The following NUP155 variants were observed in gnomAD, a reference collection of about 807,000 sequenced individuals.
NUP155 encodes nucleoporin 155.
A neutral mutation model predicts 180.4 loss-of-function variants in NUP155; 71 were observed. That is an observed-to-expected ratio of 0.39 (90% CI 0.33 to 0.48). NUP155 has a LOEUF of 0.48. Among genes scored for constraint, NUP155 ranks in the 20% least tolerant of loss-of-function variants. NUP155 has a pLI of 0.91. For synonymous variants in NUP155, 582 were observed against 559.5 expected, an observed-to-expected ratio of 1.04 and a Z score of -0.57; for missense variants, 1,553 against 1,648.9, an observed-to-expected ratio of 0.94 and a Z score of 1.01.
At chr5:37,314,422 G>A (rs1743740189) in intron 21 of NUP155, 94 bp from the exon 22 acceptor site, 1 of 946,512 alleles carries the variant, frequency 1.1e-6, no homozygotes, top group Admixed American at 2.3e-5. Context: ...AATCCCTGTT[G>A]TTTTCTTCCT....
chr5:37,365,859 C>A (rs1482611593), intron 1 of NUP155, among the ~76,000 whole-genome samples: 1 of 149,374 alleles, frequency 6.7e-6, no homozygotes, highest in Non-Finnish European at 1.5e-5. Context: ...TAGTGTTTTT[C>A]TATCATTTTG....
Position 37,328,431 on chromosome 5 carries a change from AAAG to A in NUP155, c.1814-14_1814-12del, listed in dbSNP as rs1461977727. On this transcript the variant is annotated splice_polypyrimidine_tract_variant and intron_variant, in intron 16 of 34. Coordinates refer to ENST00000231498, the MANE Select transcript of NUP155 (RefSeq NM_153485.3). ...TAGGAACAGGAGAACCTAAAAAGGG[AAAG>A]AAGAATATAAAGATTTAGAAAAGAA... is the stretch of plus-strand genomic sequence containing the variant. 9 of 1,559,442 alleles carry A rather than the reference AAAG, an allele frequency of 5.8e-6. No homozygotes were observed. The African/African-American group carries it at 9.5e-5, about 16-fold the overall frequency.
At position 37,355,559 on chromosome 5, in the gene NUP155, ATATT is replaced by A. The variant is rs538945684; in HGVS notation, c.463+2518_463+2521del. Among the ~76,000 whole-genome samples, 391 of 138,344 alleles carry A rather than the reference ATATT, an allele frequency of 2.8e-3. 2 individuals carry two copies. The highest frequency in any genetic ancestry group is 0.011 in the Middle Eastern group (3 of 270). The allele number at this position is 138,344 out of a possible 152,430, so 90.8% of individuals were successfully genotyped here. ...TGTGTGTGTGTGTGTATATATATAT[ATATT>A]TATTTATTTGTTTGTTTGTTTGTTT... On this transcript the variant is annotated intron_variant, in intron 4 of 34. Transcript: ENST00000231498.
Position 37,352,766 on chromosome 5 carries a change from A to G in NUP155, c.527T>C (p.Leu176Pro). Residue 176 changes from leucine to proline, a missense_variant, in exon 5 of 35, where the codon CTT becomes CCT. By Grantham distance (98) the Leu-to-Pro change is moderately conservative. Coordinates refer to ENST00000231498, the MANE Select transcript of NUP155 (RefSeq NM_153485.3). ...TTGCAAATTAGCATAGCTGAGTCCA[A>G]GAATTACTATGTCTACAGGGGTCGC... is the stretch of plus-strand genomic sequence containing the variant. ...VLATPVDIVI[L>P]GLSYANLQTG... 1.2e-6 allele frequency: 2 copies of G among 1,613,586 alleles called. No individual in the cohort carries two copies. Among genetic ancestry groups the G allele is most frequent in the Non-Finnish European group, 1.7e-6 (2 of 1,179,576 alleles).
At chr5:37,320,626 GA>G (rs1306481566) in intron 20 of NUP155, among the ~76,000 whole-genome samples, 1 of 151,878 alleles carries the variant, frequency 6.6e-6, no homozygotes, top group Non-Finnish European at 1.5e-5. Context: ...AAACATCAAT[GA>G]AAAAAACATC....
chr5:37,356,490 A>C lies in NUP155; in HGVS notation c.463+1591T>G, dbSNP rs182148677. Among the ~76,000 whole-genome samples, 175 of 151,044 alleles carry C rather than the reference A, an allele frequency of 1.2e-3. 1 individual carries two copies. The highest frequency in any genetic ancestry group is 4.1e-3 in the African/African-American group (170 of 41,174). The stretch of plus-strand genomic sequence containing the variant: ...AAACCCTGTCTCTACTAAAAATATA[A>C]AAATTAGGCGTGGTGACATGCGTTT... On this transcript the variant is annotated intron_variant, in intron 4 of 34. Transcript: ENST00000231498.
At chr5:37,310,428 T>G (rs999627856) in intron 23 of NUP155, 124 bp downstream of exon 23, 2 of 682,904 alleles carry the variant, frequency 2.9e-6, no homozygotes, top group African/African-American at 1.8e-5. Context: ...TAGATGAGGA[T>G]TCTGAGGCTA....
At chr5:37,325,784 A>T (rs888580499) in intron 19 of NUP155, 117 bp downstream of exon 19, 14 of 687,098 alleles carry the variant, frequency 2.0e-5, no homozygotes, top group East Asian at 1.1e-4. Flanking sequence ...AAAAAAAAAA[A>T]AAAAAAATAA....
chr5:37,295,406 C>T (rs1366471487), intron 32 of NUP155, among the ~76,000 whole-genome samples: 2 of 152,106 alleles, frequency 1.3e-5, no homozygotes, highest in African/African-American at 2.4e-5. Context: ...ACAACATCCA[C>T]CTCCCAGCAG....
At chr5:37,335,784 T>C (rs922437643) in intron 12 of NUP155, among the ~76,000 whole-genome samples, 3 of 152,112 alleles carry the variant, frequency 2.0e-5, no homozygotes, top group African/African-American at 7.2e-5. Flanking sequence ...ACCCTGTCTC[T>C]ACTAAAAATA....
chr5:37,331,812 A>C lies in NUP155; in HGVS notation c.1519-17T>G. The stretch of plus-strand genomic sequence containing the variant: ...AAGGCTCCCCTAAGAAATTTGAAGA[A>C]AGAACATGAACAAGAGATTTACCAA... On this transcript the variant is annotated splice_polypyrimidine_tract_variant and intron_variant, in intron 13 of 34. Transcript: ENST00000231498. 2 of 1,471,212 alleles carry C rather than the reference A, an allele frequency of 1.4e-6. No individual in the cohort carries two copies. Among genetic ancestry groups the C allele is most frequent in the Non-Finnish European group, 1.9e-6 (2 of 1,053,970 alleles). 91.1% of individuals were successfully genotyped at this position (1,471,212 alleles called of 1,614,324 possible). A position where few individuals can be genotyped will look rare whatever the true frequency, so the allele number is the denominator to read the frequency against.
rs548145662 is a variant in NUP155, at chr5:37,322,908, G to A, written c.2207+1084C>T. Among the ~76,000 whole-genome samples the A allele has an allele frequency of 2.4e-4, 36 of 151,856 alleles. 1 individual carries two copies. In the South Asian group the frequency reaches 7.1e-3, roughly 30 times the overall value. On this transcript the variant is annotated intron_variant, in intron 20 of 34. Coordinates refer to ENST00000231498, the MANE Select transcript of NUP155 (RefSeq NM_153485.3). ...GAATCGCTTGAACCTAGGAGGTGGA[G>A]GTTGCAGTGAGCCGAGATTGCACCA...
chr5:37,365,734 A>ATATATATAT (rs1561818726), intron 1 of NUP155, among the ~76,000 whole-genome samples: 1 of 43,892 alleles, frequency 2.3e-5, no homozygotes, highest in Non-Finnish European at 4.6e-5. Flanking sequence ...AAAAAAAAAA[A>ATATATATAT]AAAAATATAT....
rs574023103 is a variant in NUP155, at chr5:37,333,028, C to T, written c.1518+435G>A. ...TTTTGACTAATTATAAGCTTGTGTG[C>T]CTGGGAAAAATCTCAATAAACAAAG... On this transcript the variant is annotated intron_variant, in intron 13 of 34. Coordinates refer to ENST00000231498, the MANE Select transcript of NUP155 (RefSeq NM_153485.3). Among the ~76,000 whole-genome samples the T allele has an allele frequency of 2.0e-5, 3 of 152,030 alleles. No individual in the cohort carries two copies. In the South Asian group the frequency reaches 6.2e-4, roughly 32 times the overall value.
chr5:37,305,787 G>A (rs1171974857), intron 25 of NUP155, among the ~76,000 whole-genome samples: 4 of 151,868 alleles, frequency 2.6e-5, no homozygotes, highest in East Asian at 1.9e-4. Flanking sequence ...CAGGAGGATC[G>A]CTTGAGCCTA....
chr5:37,337,136 G>C (rs1745382630), intron 12 of NUP155, among the ~76,000 whole-genome samples: 1 of 152,140 alleles, frequency 6.6e-6, no homozygotes, highest in Non-Finnish European at 1.5e-5. Context: ...ACTAGGATGG[G>C]CAGCTGGGGG....
rs79477476 is a variant in NUP155 at position 37,351,464 on chromosome 5, T to C, written c.557-108A>G. 2.2e-5 allele frequency: 18 copies of C among 805,238 alleles called. No homozygotes were observed. The South Asian group carries it at 2.6e-4, about 12-fold the overall frequency. The allele number at this position is 805,238 out of a possible 1,614,324, so 49.9% of individuals were successfully genotyped here. ...TGTTTACTCAATTCTTTTTTTTTTT[T>C]CTTGAGACAGTCTTACTCTGTCACC... On this transcript the variant is annotated intron_variant, in intron 5 of 34. Coordinates refer to ENST00000231498, the MANE Select transcript of NUP155 (RefSeq NM_153485.3).
At chr5:37,350,414 T>A in intron 6 of NUP155, 149 bp from the exon 7 acceptor site, 1 of 629,084 alleles carries the variant, frequency 1.6e-6, no homozygotes, top group South Asian at 1.9e-5. Context: ...AAACGAGACA[T>A]ATTATTCAAA....
rs1375497486 is a variant in NUP155 at position 37,314,230 on chromosome 5, G to C, written c.2404C>G (p.Gln802Glu). 6.2e-7 allele frequency: 1 copy of C among 1,609,592 alleles called. No homozygotes were observed. The highest frequency in any genetic ancestry group is 2.2e-5 in the East Asian group (1 of 44,822). ...LALWKLLCEH[Q>E]FTIIVAELQK... ...AGTTCTGCCACAATGATAGTGAATT[G>C]ATGTTCACAAAGAAGTTTCCATAAA... is the stretch of plus-strand genomic sequence containing the variant. The change falls in exon 22 of 35, where the codon CAA (glutamine) becomes GAA (glutamate). Residue 802 changes from glutamine (Q) to glutamate (E), a missense_variant. Physicochemically the swap from Gln to Glu is conservative, Grantham distance 29. Transcript: ENST00000231498.
Sources: allele counts gnomAD v4.1 joint callset (sites outside exome capture counted in the v4.1 genomes callset), GRCh38; gene constraint gnomAD v4.1.1; transcripts MANE v1.5; gene names NCBI Gene and HGNC (gene_info 2026-07-23, HGNC 2026-07-21).